GSE1: variants seen among roughly 807,000 people sequenced by gnomAD.
GSE1 encodes genetic suppressor element 1.
In GSE1, 32 loss-of-function variants were observed where a neutral mutation model predicts 112.6. The ratio of observed to expected loss-of-function variants is 0.28; its 90% CI spans 0.21 to 0.38. The LOEUF (loss-of-function observed/expected upper bound fraction) is 0.38, where lower values mean the gene tolerates loss of function less well. Ranked by LOEUF, GSE1 falls within the 10% of genes least tolerant of loss-of-function variation. The probability of loss-of-function intolerance (pLI) is 1.00; values close to 1 mark genes in which losing one functional copy is unlikely to be tolerated. For synonymous variants in GSE1, 1,115 were observed against 735.6 expected, an observed-to-expected ratio of 1.52 and a Z score of -8.35; for missense variants, 2,348 against 1,699.2, an observed-to-expected ratio of 1.38 and a Z score of -6.71.
intron 1 of GSE1, among the ~76,000 whole-genome samples, chr16:85,332,796 T>G (rs1024803438): frequency 3.9e-5 from 6 of 152,048 alleles, no homozygotes; most frequent in Admixed American, 3.9e-4. Flanking sequence ...CAGCCTCTTC[T>G]CTCCTCAGAG....
At chr16:85,244,994 A>G (rs1905480157) in intron 1 of GSE1, among the ~76,000 whole-genome samples, 1 of 151,124 alleles carries the variant, frequency 6.6e-6, no homozygotes, top group South Asian at 2.1e-4. Flanking sequence ...TCATCTCAAA[A>G]AAAAAAAAAA....
chr16:85,530,789 T>G (rs2044111699), intron 2 of GSE1, among the ~76,000 whole-genome samples: 1 of 152,224 alleles, frequency 6.6e-6, no homozygotes, highest in Non-Finnish European at 1.5e-5. Context: ...CTGAGATAGT[T>G]GGGTGTCATC....
intron 1 of GSE1, chr16:85,279,066 C>A (rs2044777021): frequency 6.6e-6 from 1 of 152,288 alleles, no homozygotes; most frequent in Non-Finnish European, 1.5e-5. Flanking sequence ...ATAGGGACAT[C>A]AACCTCAACA....
chr16:85,616,850 G>C (rs931512776), intron 1 of GSE1, among the ~76,000 whole-genome samples: 2 of 152,110 alleles, frequency 1.3e-5, no homozygotes, highest in African/African-American at 4.8e-5. Flanking sequence ...AGAATTTATT[G>C]AGCTCCTCCT....
chr16:85,211,019 AC>A, intron 1 of GSE1, among the ~76,000 whole-genome samples: 1 of 152,252 alleles, frequency 6.6e-6, no homozygotes, highest in Middle Eastern at 3.4e-3. Flanking sequence ...GTGCCACTTG[AC>A]CTTGCTGGGT....
At chr16:85,660,863 C>A (rs1394311020) in intron 8 of GSE1, among the ~76,000 whole-genome samples, 1 of 152,094 alleles carries the variant, frequency 6.6e-6, no homozygotes, top group Non-Finnish European at 1.5e-5. Context: ...AACTGCTGAC[C>A]TTGTGATCCA....
chr16:85,256,196 C>T (rs1057063873), intron 1 of GSE1, among the ~76,000 whole-genome samples: 7 of 151,476 alleles, frequency 4.6e-5, no homozygotes, highest in Admixed American at 2.0e-4. Context: ...CAGGCAGACT[C>T]GGACAGCACC....
At chr16:85,649,756 C>G (rs2051179179) in intron 3 of GSE1, among the ~76,000 whole-genome samples, 2 of 152,210 alleles carry the variant, frequency 1.3e-5, no homozygotes, top group Admixed American at 6.5e-5. Context: ...CTTGGAAATA[C>G]TAATTAAACC....
chr16:85,243,808 C>G (rs952182501), intron 1 of GSE1, among the ~76,000 whole-genome samples: 1 of 152,206 alleles, frequency 6.6e-6, no homozygotes, highest in Non-Finnish European at 1.5e-5. Context: ...TCACTTTTAA[C>G]TGTTTCTACT....
chr16:85,401,922 A>T (rs1380796665), intron 2 of GSE1, among the ~76,000 whole-genome samples: 1 of 152,188 alleles, frequency 6.6e-6, no homozygotes, highest in East Asian at 1.9e-4. Flanking sequence ...CCCCGCTGTG[A>T]GTGGGCACTT....
chr16:85,638,657 C>G (rs1212843852), intron 2 of GSE1, among the ~76,000 whole-genome samples: 1 of 146,932 alleles, frequency 6.8e-6, no homozygotes, highest in South Asian at 2.2e-4. Context: ...CCACCCCCGC[C>G]TCCCCTTCCC....
Position 85,281,252 on chromosome 16 carries a change from A to G in GSE1, c.2284-76211A>G, listed in dbSNP as rs369803956. Among the ~76,000 whole-genome samples the G allele has an allele frequency of 3.9e-5, 6 of 152,154 alleles. No homozygotes were observed. The East Asian group carries it at 5.8e-4, about 15-fold the overall frequency. On this transcript the variant is annotated intron_variant, in intron 1 of 2. Coordinates refer to the GSE1 transcript ENST00000637419. ...GCCCTGTGGCTTGTCCCAGGTCCCA[A>G]TTAGCTGGGGACACAAGAGGCCCTC... is the stretch of plus-strand genomic sequence containing the variant.
At chr16:85,564,571 A>T (rs959488296) in intron 1 of GSE1, among the ~76,000 whole-genome samples, 3 of 152,280 alleles carry the variant, frequency 2.0e-5, no homozygotes, top group East Asian at 1.9e-4. Flanking sequence ...ACTCTGGGGA[A>T]ACCCACATTC....
intron 1 of GSE1, among the ~76,000 whole-genome samples, chr16:85,325,495 AG>A (rs1472605462): frequency 1.3e-5 from 2 of 152,086 alleles, no homozygotes; most frequent in East Asian, 3.9e-4. Flanking sequence ...TTTGTTGCCC[AG>A]GCTGGAGTGC....
At chr16:85,349,840 A>G (rs1187460003) in intron 1 of GSE1, among the ~76,000 whole-genome samples, 1 of 152,156 alleles carries the variant, frequency 6.6e-6, no homozygotes. Context: ...CCTCTCTGCC[A>G]TTCACCAGCA....
chr16:85,382,403 C>A (rs967394592), intron 2 of GSE1, among the ~76,000 whole-genome samples: 1 of 152,220 alleles, frequency 6.6e-6, no homozygotes, highest in African/African-American at 2.4e-5. Flanking sequence ...GACGAGGGCT[C>A]CTCTGTTTCA....
intron 1 of GSE1, among the ~76,000 whole-genome samples, chr16:85,310,660 G>A (rs559799021): frequency 5.9e-5 from 9 of 152,238 alleles, no homozygotes; most frequent in African/African-American, 2.2e-4. Context: ...CTGGCAGGGA[G>A]GGAGGGAGGG....
At chr16:85,361,713 A>C (rs774190287) in intron 2 of GSE1, among the ~76,000 whole-genome samples, 1 of 152,206 alleles carries the variant, frequency 6.6e-6, no homozygotes, top group Non-Finnish European at 1.5e-5. Flanking sequence ...CAGGTACAGG[A>C]GGAGCCTGTG....
At chr16:85,234,047 T>G (rs1178311021) in intron 1 of GSE1, among the ~76,000 whole-genome samples, 2 of 152,066 alleles carry the variant, frequency 1.3e-5, no homozygotes, top group Non-Finnish European at 2.9e-5. Context: ...GGAACTCAGG[T>G]TCAATAGGAC....
Sources: allele counts gnomAD v4.1 joint callset (sites outside exome capture counted in the v4.1 genomes callset), GRCh38; gene constraint gnomAD v4.1.1; transcripts MANE v1.5; gene names NCBI Gene and HGNC (gene_info 2026-07-23, HGNC 2026-07-21).